Variants in ZSCAN25 observed in about 807,000 individuals in gnomAD.
ZSCAN25 encodes the protein zinc finger and SCAN domain-containing protein 25.
Under a neutral mutation model 38.7 loss-of-function variants are expected in ZSCAN25, and 27 were observed. That is an observed-to-expected ratio of 0.70 (90% confidence interval 0.51 to 0.96). The LOEUF (loss-of-function observed/expected upper bound fraction) is 0.96. Ranked by LOEUF, ZSCAN25 falls within the 40% of genes least tolerant of loss-of-function variation. ZSCAN25 has a pLI of 0.00. For synonymous variants in ZSCAN25, 273 were observed against 277.7 expected, an observed-to-expected ratio of 0.98 and a Z score of 0.17; for missense variants, 637 against 705.9, an observed-to-expected ratio of 0.90 and a Z score of 1.11.
chr7:99,726,354 C>T, the ZSCAN25 span, among the ~76,000 whole-genome samples: 3 of 152,288 alleles, frequency 2.0e-5, 1 homozygote, highest in Middle Eastern at 0.01. Context: ...CTTATAATTC[C>T]CCCATCTTAC....
At chr7:99,737,128 G>A in the ZSCAN25 span, among the ~76,000 whole-genome samples, 1 of 152,122 alleles carries the variant, frequency 6.6e-6, no homozygotes, top group Non-Finnish European at 1.5e-5. Flanking sequence ...CAGTGGCTTC[G>A]CTGAGCACAT....
At chr7:99,724,040 T>TACCACCTTCCCTGGGTGGCAAGC in the ZSCAN25 span, among the ~76,000 whole-genome samples, 1 of 151,926 alleles carries the variant, frequency 6.6e-6, no homozygotes, top group Admixed American at 6.6e-5. Context: ...GGGTGGCAAG[T>TACCACCTTCCCTGGGTGGCAAGC]ACCACCTTCC....
At chr7:99,721,803 A>G in the ZSCAN25 span, among the ~76,000 whole-genome samples, 7 of 152,312 alleles carry the variant, frequency 4.6e-5, no homozygotes, top group East Asian at 1.3e-3. Context: ...ACCTTGACAA[A>G]TAAATCAAAG....
chr7:99,665,381 C>T, the ZSCAN25 span: 5 of 1,580,246 alleles, frequency 3.2e-6, no homozygotes, highest in African/African-American at 5.4e-5. Context: ...ATACATGCAG[C>T]AAGAAACCCA....
Position 99,631,110 on chromosome 7 carries a change from T to G in ZSCAN25, c.*1090T>G. 1 of 985,474 alleles carries G rather than the reference T, an allele frequency of 1.0e-6. No individual in the cohort carries two copies. The highest frequency in any genetic ancestry group is 1.2e-6 in the Non-Finnish European group (1 of 829,944). 61.0% of individuals were successfully genotyped at this position (985,474 alleles called of 1,614,324 possible). A position where few individuals can be genotyped will look rare whatever the true frequency, so the allele number is the denominator to read the frequency against. ...TCGTAGAGCTTATGTCTCGTGGATG[T>G]ACCTGATCTTCAGAACCCGTGGATA... On this transcript the variant is annotated 3_prime_UTR_variant, in exon 8 of 8. Transcript: ENST00000394152.
chr7:99,630,326 G>C lies in ZSCAN25; in HGVS notation c.*306G>C. ...GTCCCCCTGCCGAACAAAGCTGGGA[G>C]TAAAGGCAAAACCTTGACACGTGTT... On this transcript the variant is annotated 3_prime_UTR_variant, in exon 8 of 8. Coordinates refer to ENST00000394152, the MANE Select transcript of ZSCAN25 (RefSeq NM_145115.3). The C allele has an allele frequency of 2.6e-6, 3 of 1,164,392 alleles. No homozygotes were observed. The highest frequency in any genetic ancestry group is 3.2e-6 in the Non-Finnish European group (3 of 942,260). The allele number at this position is 1,164,392 out of a possible 1,614,324, so 72.1% of individuals were successfully genotyped here. A position where few individuals can be genotyped will look rare whatever the true frequency, so the allele number is the denominator to read the frequency against.
the ZSCAN25 span, among the ~76,000 whole-genome samples, chr7:99,726,775 C>G: frequency 2.4e-4 from 36 of 152,302 alleles, 1 homozygote; most frequent in South Asian, 7.5e-3. Context: ...CAACAAGATA[C>G]CCTCCTGCTC....
the ZSCAN25 span, among the ~76,000 whole-genome samples, chr7:99,680,560 GTAT>G: frequency 4.3e-3 from 654 of 152,184 alleles, 7 homozygotes; most frequent in African/African-American, 0.015. Flanking sequence ...GCACAGTCTG[GTAT>G]TATTTACTTT....
chr7:99,710,583 C>T, the ZSCAN25 span: 16 of 1,439,970 alleles, frequency 1.1e-5, no homozygotes, highest in Non-Finnish European at 1.5e-5. Context: ...CCCTATGCTT[C>T]CTTCTTTTTA....
At chr7:99,689,755 C>A in the ZSCAN25 span, among the ~76,000 whole-genome samples, 1 of 152,108 alleles carries the variant, frequency 6.6e-6, no homozygotes. Flanking sequence ...ATGTGAAGGA[C>A]CTCTTCAAGG....
At chr7:99,734,573 A>G in the ZSCAN25 span, among the ~76,000 whole-genome samples, 2 of 151,666 alleles carry the variant, frequency 1.3e-5, no homozygotes, top group Non-Finnish European at 2.9e-5. Flanking sequence ...TGTTTGTAGC[A>G]TCCAACACTT....
At chr7:99,678,373 C>T in the ZSCAN25 span, among the ~76,000 whole-genome samples, 2 of 152,220 alleles carry the variant, frequency 1.3e-5, no homozygotes, top group African/African-American at 4.8e-5. Flanking sequence ...TACCTGGAAG[C>T]CTTTGCTATC....
chr7:99,732,360 C>A, the ZSCAN25 span, among the ~76,000 whole-genome samples: 6,800 of 152,266 alleles, frequency 0.045, 468 homozygotes, highest in East Asian at 0.25. Flanking sequence ...CCAATTAAAT[C>A]TCTTTCCTTT....
At chr7:99,650,024 C>A in the ZSCAN25 span, 13 of 1,600,072 alleles carry the variant, frequency 8.1e-6, no homozygotes, top group African/African-American at 6.7e-5. Context: ...AAAATATATA[C>A]CCTTCAGTTA....
At chr7:99,677,672 C>T in the ZSCAN25 span, among the ~76,000 whole-genome samples, 1 of 152,200 alleles carries the variant, frequency 6.6e-6, no homozygotes, top group East Asian at 1.9e-4. Flanking sequence ...TGAGCAGGCC[C>T]AGTCATACAT....
At chr7:99,620,719 T>C (rs1242698917) in intron 4 of ZSCAN25, 1 of 152,268 alleles carries the variant, frequency 6.6e-6, no homozygotes, top group Non-Finnish European at 1.5e-5. Context: ...TTTTTGTGAG[T>C]ACTTCTCAGT....
the ZSCAN25 span, chr7:99,650,025 C>A: frequency 6.2e-7 from 1 of 1,600,850 alleles, no homozygotes; most frequent in Non-Finnish European, 8.5e-7. Context: ...AAATATATAC[C>A]CTTCAGTTAA....
the ZSCAN25 span, among the ~76,000 whole-genome samples, chr7:99,674,981 T>C: frequency 6.6e-6 from 1 of 152,246 alleles, no homozygotes; most frequent in African/African-American, 2.4e-5. Context: ...CACAATTTTT[T>C]AATCTCCTCC....
the ZSCAN25 span, among the ~76,000 whole-genome samples, chr7:99,672,409 T>C: frequency 6.6e-6 from 1 of 152,116 alleles, no homozygotes; most frequent in Non-Finnish European, 1.5e-5. Context: ...TAGATATATA[T>C]TGCAATATAC....
Sources: gnomAD v4.1 joint callset for allele counts (sites outside exome capture counted in the v4.1 genomes callset) on GRCh38, gnomAD v4.1.1 for gene constraint, MANE v1.5 for transcripts, NCBI Gene and HGNC (gene_info 2026-07-23, HGNC 2026-07-21) for gene names.